Variants in CCDC171 observed in about 807,000 individuals in gnomAD.
The protein encoded by CCDC171 is coiled-coil domain containing 171.
In CCDC171, 177 loss-of-function variants were observed where a neutral mutation model predicts 168.2. That is an observed-to-expected ratio of 1.05 (90% CI 0.93 to 1.19). The LOEUF is 1.19. Ranked by LOEUF, CCDC171 falls within the 50% of genes most tolerant of loss-of-function variation. The pLI is 0.00. For missense variants in CCDC171, 1,991 were observed against 1,539.0 expected (o/e 1.29, Z -4.91); for synonymous variants, 687 against 540.8 (o/e 1.27, Z -3.75).
intron 24 of CCDC171, among the ~76,000 whole-genome samples, chr9:15,901,274 TG>T (rs1294384647): frequency 1.3e-5 from 2 of 152,188 alleles, no homozygotes; most frequent in African/African-American, 4.8e-5. Flanking sequence ...AGTGAATACA[TG>T]TCACTATACA....
intron 7 of CCDC171, among the ~76,000 whole-genome samples, chr9:15,645,092 G>T (rs1324611077): frequency 2.0e-5 from 3 of 152,208 alleles, no homozygotes; most frequent in Non-Finnish European, 2.9e-5. Flanking sequence ...AGCAATATTT[G>T]CTGTTCTGCA....
At chr9:15,753,912 G>A (rs2055924457) in intron 18 of CCDC171, among the ~76,000 whole-genome samples, 1 of 152,278 alleles carries the variant, frequency 6.6e-6, no homozygotes, top group East Asian at 1.9e-4. Context: ...AAAATTATCA[G>A]TGTGGACCCT....
chr9:15,982,418 G>A (rs908426674), intron 3 of CCDC171, among the ~76,000 whole-genome samples: 4 of 152,154 alleles, frequency 2.6e-5, no homozygotes, highest in Non-Finnish European at 5.9e-5. Flanking sequence ...TAAGCATTAC[G>A]TGACAGAGTA....
In CCDC171 at chr9:15,857,875, C is replaced by T. The variant is rs140768049; in HGVS notation, c.3468+8928C>T. Among the ~76,000 whole-genome samples the T allele has an allele frequency of 2.7e-3, 405 of 151,862 alleles. 4 individuals carry two copies. The highest frequency in any genetic ancestry group is 9.1e-3 in the African/African-American group (378 of 41,386). ...TATTTCTGGGCTTTCTATTTTGTTCCATAGAACTCTATGTCTGTTTCTCTG... is the reference window on the plus strand; with the variant it reads ...TATTTCTGGGCTTTCTATTTTGTTCTATAGAACTCTATGTCTGTTTCTCTG... On this transcript the variant is annotated intron_variant, in intron 23 of 25. Coordinates refer to ENST00000380701, the MANE Select transcript of CCDC171 (RefSeq NM_173550.4).
At chr9:15,777,565 C>A in intron 18 of CCDC171, 35 bp from the exon 19 acceptor site, 2 of 1,313,944 alleles carry the variant, frequency 1.5e-6, no homozygotes, top group South Asian at 1.3e-5. Context: ...AGAGACAATT[C>A]ACATTTTTGT....
At chr9:15,778,673 CA>C (rs1333918508) in intron 19 of CCDC171, among the ~76,000 whole-genome samples, 2 of 119,992 alleles carry the variant, frequency 1.7e-5, no homozygotes, top group Admixed American at 1.9e-4. Flanking sequence ...AAAGGCATGA[CA>C]TTAGTGCTAA....
chr9:15,604,226 T>C (rs564009679), intron 6 of CCDC171, among the ~76,000 whole-genome samples: 1 of 152,204 alleles, frequency 6.6e-6, no homozygotes, highest in Non-Finnish European at 1.5e-5. Flanking sequence ...ATAGTTTATT[T>C]TGCTGTGCAG....
chr9:16,081,226 C>T, the CCDC171 span, among the ~76,000 whole-genome samples: 389 of 152,268 alleles, frequency 2.6e-3, 2 homozygotes, highest in Middle Eastern at 6.8e-3. Context: ...CTAATGGAAC[C>T]CAGATTTTCT....
intron 5 of CCDC171, 36 bp from the exon 6 acceptor site, chr9:15,594,005 G>C (rs767304371): frequency 6.8e-7 from 1 of 1,462,408 alleles, no homozygotes; most frequent in African/African-American, 1.4e-5. Flanking sequence ...AACTTTTATT[G>C]ATCTAACAGT....
Position 15,614,979 on chromosome 9 carries a change from G to A in CCDC171, c.676-8288G>A, listed in dbSNP as rs185407531. Among the ~76,000 whole-genome samples the A allele has an allele frequency of 4.3e-4, 66 of 152,212 alleles. No individual in the cohort carries two copies. In the Middle Eastern group the frequency reaches 0.017, roughly 39 times the overall value. ...CAATGAATAAAAAGAAACATTAAAG[G>A]AGCTAATAATTCCAGTTTTATGTAA... is the stretch of plus-strand genomic sequence containing the variant. On this transcript the variant is annotated intron_variant, in intron 6 of 25. Coordinates refer to ENST00000380701, the MANE Select transcript of CCDC171 (RefSeq NM_173550.4).
At chr9:15,565,163 C>T (rs1169554953) in intron 2 of CCDC171, among the ~76,000 whole-genome samples, 1 of 149,776 alleles carries the variant, frequency 6.7e-6, no homozygotes, top group Non-Finnish European at 1.5e-5. Context: ...ATCTTGGTTC[C>T]CTGCAACCTC....
chr9:15,648,036 A>G (rs2047190805), intron 7 of CCDC171, among the ~76,000 whole-genome samples: 2 of 152,198 alleles, frequency 1.3e-5, no homozygotes, highest in South Asian at 4.1e-4. Context: ...GCACATCGAA[A>G]AGCTTATCCA....
chr9:15,830,084 A>G (rs1017030416), intron 21 of CCDC171, among the ~76,000 whole-genome samples: 1 of 152,246 alleles, frequency 6.6e-6, no homozygotes, highest in African/African-American at 2.4e-5. Flanking sequence ...TTCCTCAAGC[A>G]GTGACAACAA....
intron 25 of CCDC171, among the ~76,000 whole-genome samples, chr9:15,937,239 C>T (rs933935988): frequency 2.6e-5 from 4 of 151,864 alleles, no homozygotes; most frequent in African/African-American, 7.3e-5. Flanking sequence ...GAAATAATGG[C>T]TAGTTTAAAA....
intron 25 of CCDC171, chr9:15,922,190 A>C (rs1192288346): frequency 2.5e-6 from 1 of 398,324 alleles, no homozygotes; most frequent in Non-Finnish European, 5.3e-6. Flanking sequence ...ACATTCCCCC[A>C]GGTGATTCTG....
intron 2 of CCDC171, 22 bp downstream of exon 2, chr9:15,564,151 T>C (rs887278344): frequency 4.4e-6 from 7 of 1,582,468 alleles, no homozygotes; most frequent in Non-Finnish European, 6.0e-6. Flanking sequence ...GTCTCTTCTT[T>C]TAGTTGATGA....
At chr9:15,894,909 A>G (rs1359815278) in intron 24 of CCDC171, among the ~76,000 whole-genome samples, 2 of 152,266 alleles carry the variant, frequency 1.3e-5, no homozygotes, top group East Asian at 3.9e-4. Flanking sequence ...GGCTTTATAT[A>G]CTTTACCACA....
intron 2 of CCDC171, among the ~76,000 whole-genome samples, chr9:15,565,723 A>AT (rs1292516725): frequency 6.6e-6 from 1 of 152,160 alleles, no homozygotes; most frequent in Non-Finnish European, 1.5e-5. Flanking sequence ...ATTGTATTCC[A>AT]TTGTATGGAT....
At chr9:15,767,977 C>T (rs866728447) in intron 18 of CCDC171, among the ~76,000 whole-genome samples, 5 of 149,866 alleles carry the variant, frequency 3.3e-5, no homozygotes, top group Non-Finnish European at 7.4e-5. Flanking sequence ...TTAGGCAGTG[C>T]ACCCACCTCG....
Sources: allele counts gnomAD v4.1 joint callset (sites outside exome capture counted in the v4.1 genomes callset), GRCh38; gene constraint gnomAD v4.1.1; transcripts MANE v1.5; gene names NCBI Gene and HGNC (gene_info 2026-07-23, HGNC 2026-07-21).